The following CSMD1 variants were observed in gnomAD, a reference collection of about 807,000 sequenced individuals.
CSMD1 encodes the protein CUB and sushi domain-containing protein 1.
In CSMD1, 213 loss-of-function variants were observed where a neutral mutation model predicts 417.5. The observed-to-expected ratio is 0.51, with a 90% CI of 0.46 to 0.57. The LOEUF (loss-of-function observed/expected upper bound fraction) is 0.57. Ranked by LOEUF, CSMD1 falls within the 20% of genes least tolerant of loss-of-function variation. The pLI, the probability that CSMD1 is intolerant of heterozygous loss-of-function variation, is 0.00. For missense variants in CSMD1, 6,923 were observed against 4,529.7 expected (o/e 1.53, Z -15.17); for synonymous variants, 2,862 against 1,736.8 (o/e 1.65, Z -16.11).
intron 28 of CSMD1, among the ~76,000 whole-genome samples, chr8:3,222,428 G>A (rs1043751229): frequency 6.6e-6 from 1 of 151,980 alleles, no homozygotes; most frequent in Non-Finnish European, 1.5e-5. Context: ...TCCTGCCTCA[G>A]CCTCTCGAGT....
intron 5 of CSMD1, among the ~76,000 whole-genome samples, chr8:3,849,261 A>C (rs1367380463): frequency 6.6e-6 from 1 of 152,142 alleles, no homozygotes; most frequent in East Asian, 1.9e-4. Context: ...CCACAGGAAC[A>C]CGGGTGCATG....
chr8:3,671,280 C>T (rs1007723770), intron 7 of CSMD1, among the ~76,000 whole-genome samples: 1 of 145,674 alleles, frequency 6.9e-6, no homozygotes, highest in Non-Finnish European at 1.5e-5. Context: ...ATATGATGTG[C>T]CTGGACACAT....
At position 3,574,932 on chromosome 8, in the gene CSMD1, G is replaced by A. The variant is rs930143035; in HGVS notation, c.1344+13C>T. On this transcript the variant is annotated intron_variant, in intron 10 of 69. Coordinates refer to ENST00000635120, the MANE Select transcript of CSMD1 (RefSeq NM_033225.6). ...GTGTGCATTAACCACAGGGGTTGGAGGCGGAGCCTTACCTTGTCCGGGTCG... is the reference window on the plus strand; with the variant it reads ...GTGTGCATTAACCACAGGGGTTGGAAGCGGAGCCTTACCTTGTCCGGGTCG... 1 of 1,611,314 alleles carries A rather than the reference G, an allele frequency of 6.2e-7. No homozygotes were observed. The highest frequency in any genetic ancestry group is 8.5e-7 in the Non-Finnish European group (1 of 1,179,290).
chr8:3,510,507 A>C (rs1452562691), intron 10 of CSMD1, among the ~76,000 whole-genome samples: 1 of 151,854 alleles, frequency 6.6e-6, no homozygotes, highest in East Asian at 1.9e-4. Context: ...GGTCTTAGGA[A>C]AGAAAATCTT....
chr8:3,901,435 G>A (rs770112604), intron 5 of CSMD1, among the ~76,000 whole-genome samples: 3 of 152,002 alleles, frequency 2.0e-5, no homozygotes, highest in Non-Finnish European at 4.4e-5. Context: ...GCATTTTTTG[G>A]TCTTACTCTA....
intron 3 of CSMD1, among the ~76,000 whole-genome samples, chr8:4,180,987 C>A (rs756164590): frequency 6.6e-6 from 1 of 151,994 alleles, no homozygotes; most frequent in Admixed American, 6.6e-5. Flanking sequence ...TTACCATTTC[C>A]GTACCCACTA....
intron 5 of CSMD1, among the ~76,000 whole-genome samples, chr8:3,869,634 C>T (rs184786163): frequency 9.7e-4 from 148 of 152,216 alleles, no homozygotes; most frequent in African/African-American, 3.4e-3. Flanking sequence ...GCTGAGCTAA[C>T]CTGGGGAAAG....
chr8:3,802,863 G>A (rs1800532896), intron 5 of CSMD1, among the ~76,000 whole-genome samples: 1 of 152,308 alleles, frequency 6.6e-6, no homozygotes, highest in South Asian at 2.1e-4. Context: ...CTGGCCCTTA[G>A]ATGATGTGGT....
chr8:3,222,923 A>G (rs1252339204), intron 28 of CSMD1, among the ~76,000 whole-genome samples: 1 of 152,204 alleles, frequency 6.6e-6, no homozygotes, highest in African/African-American at 2.4e-5. Context: ...TACTGACATA[A>G]AGATCTGCAG....
intron 23 of CSMD1, among the ~76,000 whole-genome samples, chr8:3,320,208 G>T (rs952544881): frequency 6.6e-6 from 1 of 152,210 alleles, no homozygotes; most frequent in South Asian, 2.1e-4. Context: ...TAAGCAGTGG[G>T]GCCCGTGGCC....
chr8:4,130,130 A>C (rs978606863), intron 3 of CSMD1, among the ~76,000 whole-genome samples: 8 of 152,092 alleles, frequency 5.3e-5, no homozygotes, highest in African/African-American at 1.4e-4. Flanking sequence ...ACTGTCAGTA[A>C]ATCAAGCTTG....
intron 7 of CSMD1, among the ~76,000 whole-genome samples, chr8:3,646,140 C>A (rs1375414831): frequency 6.6e-6 from 1 of 150,802 alleles, no homozygotes; most frequent in Non-Finnish European, 1.5e-5. Context: ...CTTATTAACA[C>A]TGAAAAATTC....
intron 1 of CSMD1, among the ~76,000 whole-genome samples, chr8:4,952,644 G>C (rs934542863): frequency 4.6e-5 from 7 of 152,016 alleles, no homozygotes; most frequent in Admixed American, 4.6e-4. Flanking sequence ...GATTGTGGTA[G>C]AGGTTCAAAT....
intron 7 of CSMD1, among the ~76,000 whole-genome samples, chr8:3,647,380 A>T (rs1797628430): frequency 4.9e-5 from 1 of 20,442 alleles, no homozygotes; most frequent in East Asian, 8.4e-4. Context: ...AATACAGCAT[A>T]GAAAGAAATA....
chr8:3,034,235 TG>T (rs1349142353), intron 50 of CSMD1, among the ~76,000 whole-genome samples: 1 of 152,394 alleles, frequency 6.6e-6, no homozygotes, highest in East Asian at 1.9e-4. Context: ...ATGTGGTTTC[TG>T]GCTGATGAAA....
intron 12 of CSMD1, among the ~76,000 whole-genome samples, chr8:3,410,498 G>A (rs961827065): frequency 1.3e-5 from 2 of 152,126 alleles, no homozygotes; most frequent in Admixed American, 6.5e-5. Context: ...GGCTCAGGAG[G>A]TCTGATGGTT....
At chr8:3,154,295 T>C (rs1819381485) in intron 39 of CSMD1, among the ~76,000 whole-genome samples, 1 of 152,228 alleles carries the variant, frequency 6.6e-6, no homozygotes, top group South Asian at 2.1e-4. Flanking sequence ...TTAAGGCGAC[T>C]GGGCTTGCCA....
rs1809001794 is a variant in CSMD1 at position 3,359,310 on chromosome 8, C to T, written c.3146G>A (p.Gly1049Glu). 1 of 1,613,522 alleles carries T rather than the reference C, an allele frequency of 6.2e-7. No homozygotes were observed. Among genetic ancestry groups the T allele is most frequent in the Admixed American group, 1.7e-5 (1 of 59,956 alleles). ...AATTCTTCGGCTGAAGGCAGGGACT[C>T]CAGGATCATCACATGGCTCCAGGTC... ...EYDLEPCDDPGVPAFSRRIGF... is the reference protein window; with the variant it reads ...EYDLEPCDDPEVPAFSRRIGF... Residue 1049 changes from glycine to glutamate, a missense_variant, in exon 21 of 70, where the codon GGA becomes GAA. Coordinates refer to ENST00000635120, the MANE Select transcript of CSMD1 (RefSeq NM_033225.6).
At chr8:3,483,045 C>T (rs1190855170) in intron 11 of CSMD1, among the ~76,000 whole-genome samples, 1 of 152,006 alleles carries the variant, frequency 6.6e-6, no homozygotes, top group African/African-American at 2.4e-5. Context: ...AAAAAAATTA[C>T]TTAAGTTCCT....
Sources: gnomAD v4.1 joint callset for allele counts (sites outside exome capture counted in the v4.1 genomes callset) on GRCh38, gnomAD v4.1.1 for gene constraint, MANE v1.5 for transcripts, NCBI Gene and HGNC (gene_info 2026-07-23, HGNC 2026-07-21) for gene names.